CCDC63: variants seen among roughly 807,000 people sequenced by gnomAD.
CCDC63 encodes the protein coiled-coil domain containing 63, also known as coiled-coil domain-containing protein 63.
CCDC63 carries 54 observed loss-of-function variants against 63.6 expected under a neutral mutation model. That is an observed-to-expected ratio of 0.85 (90% CI 0.68 to 1.07). The LOEUF (loss-of-function observed/expected upper bound fraction) is 1.07. Ranked by LOEUF, CCDC63 falls within the 50% of genes least tolerant of loss-of-function variation. CCDC63 has a pLI of 0.00. For missense variants in CCDC63, 637 were observed against 689.6 expected, an observed-to-expected ratio of 0.92 and a Z score of 0.86; for synonymous variants, 253 against 266.1, an observed-to-expected ratio of 0.95 and a Z score of 0.48.
chr12:110,876,885 A>C (rs1593669231), intron 5 of CCDC63, among the ~76,000 whole-genome samples: 1 of 150,978 alleles, frequency 6.6e-6, no homozygotes, highest in East Asian at 1.9e-4. Context: ...AATACAAAAA[A>C]AAAAAAAAAA....
chr12:110,889,975 C>G lies in CCDC63; in HGVS notation c.1075-3101C>G, dbSNP rs545820395. Among the ~76,000 whole-genome samples, 3 of 151,958 alleles carry G rather than the reference C, an allele frequency of 2.0e-5. No homozygotes were observed. The highest frequency in any genetic ancestry group is 4.4e-5 in the Non-Finnish European group (3 of 67,996). On this transcript the variant is annotated intron_variant, in intron 8 of 11. Transcript: ENST00000308208. The surrounding 1 kb of genome is among the most constrained non-coding windows in gnomAD (Gnocchi z 4.1). ...CTCCAAATCAGGAATAATTCCATCA[C>G]ACGGACATAGCATTGTTTCATCTTT...
intron 1 of CCDC63, among the ~76,000 whole-genome samples, chr12:110,848,176 A>T (rs1279942319): frequency 6.6e-6 from 1 of 152,230 alleles, no homozygotes; most frequent in East Asian, 1.9e-4. Flanking sequence ...AGGGGAGCTT[A>T]GCCAATAGGG....
chr12:110,902,337 G>T (rs761270754), intron 10 of CCDC63, among the ~76,000 whole-genome samples: 7 of 152,116 alleles, frequency 4.6e-5, no homozygotes, highest in Non-Finnish European at 7.4e-5. Flanking sequence ...TTATATTTCT[G>T]ATCTCCTCTT....
At chr12:110,852,082 G>A (rs897348136) in intron 1 of CCDC63, among the ~76,000 whole-genome samples, 1 of 152,200 alleles carries the variant, frequency 6.6e-6, no homozygotes, top group African/African-American at 2.4e-5. Context: ...AGGATGTGAT[G>A]TGTGGGATTA....
At chr12:110,867,376 C>T (rs1593655885) in intron 4 of CCDC63, among the ~76,000 whole-genome samples, 1 of 118,768 alleles carries the variant, frequency 8.4e-6, no homozygotes, top group East Asian at 2.7e-4. Context: ...CCCTCCCGGA[C>T]AGGGCGGCTG....
chr12:110,894,337 C>G (rs1343482165), intron 9 of CCDC63, among the ~76,000 whole-genome samples: 3 of 152,180 alleles, frequency 2.0e-5, no homozygotes, highest in Admixed American at 6.5e-5. Context: ...GGAAATGTAA[C>G]TTTTAGTTGG....
At chr12:110,891,280 C>T (rs1441567175) in intron 8 of CCDC63, among the ~76,000 whole-genome samples, 2 of 151,878 alleles carry the variant, frequency 1.3e-5, no homozygotes, top group African/African-American at 4.8e-5. Flanking sequence ...CACTGCACTC[C>T]AGCCTGGGCA....
intron 9 of CCDC63, 49 bp downstream of exon 9, chr12:110,893,199 C>T (rs766601510): frequency 6.7e-7 from 1 of 1,482,492 alleles, no homozygotes; most frequent in Non-Finnish European, 9.4e-7. Context: ...TGTTGTCTGT[C>T]TCTGTGTCTG....
At chr12:110,871,563 CCTT>C (rs1408882886) in intron 4 of CCDC63, among the ~76,000 whole-genome samples, 1 of 149,904 alleles carries the variant, frequency 6.7e-6, no homozygotes, top group African/African-American at 2.5e-5. Flanking sequence ...TTCCTTCCTT[CCTT>C]TTTTTTTTTT....
intron 3 of CCDC63, among the ~76,000 whole-genome samples, chr12:110,857,934 C>T (rs910672333): frequency 2.0e-5 from 3 of 151,832 alleles, no homozygotes; most frequent in Non-Finnish European, 2.9e-5. Context: ...TGGCGAAACC[C>T]GTCTCTACTA....
chr12:110,878,809 C>A (rs763506500), intron 5 of CCDC63, among the ~76,000 whole-genome samples: 1 of 152,144 alleles, frequency 6.6e-6, no homozygotes, highest in Non-Finnish European at 1.5e-5. Context: ...TCTTTAGAAA[C>A]CTTCATCCTT....
intron 8 of CCDC63, among the ~76,000 whole-genome samples, chr12:110,892,345 G>A (rs1180772670): frequency 2.0e-5 from 3 of 152,138 alleles, no homozygotes; most frequent in African/African-American, 4.8e-5. Context: ...GGAGGCTGAG[G>A]CGGAAGGATT....
At chr12:110,876,552 G>A (rs544213811) in intron 5 of CCDC63, among the ~76,000 whole-genome samples, 2 of 152,176 alleles carry the variant, frequency 1.3e-5, no homozygotes, top group East Asian at 3.9e-4. Context: ...TCATGCCCCG[G>A]TTGCTTCACT....
At chr12:110,883,956 C>T (rs928960935) in intron 7 of CCDC63, 74 bp from the exon 8 acceptor site, 32 of 1,160,758 alleles carry the variant, frequency 2.8e-5, no homozygotes, top group Non-Finnish European at 3.7e-5. Flanking sequence ...ATATTGATCA[C>T]GTTACTGTCT....
At chr12:110,877,869 G>A (rs2071151666) in intron 5 of CCDC63, among the ~76,000 whole-genome samples, 1 of 151,644 alleles carries the variant, frequency 6.6e-6, no homozygotes, top group South Asian at 2.1e-4. Context: ...AACATGCCTG[G>A]CTAATTTTTG....
In CCDC63 at chr12:110,892,817, T is replaced by TC. The variant is rs552976043; in HGVS notation, c.1075-258dup. ...CTAGGCATCGCAGCGAGACTTCATCTCAAAAAAAAAAGATAAAGAAAGAAA... is the reference window on the plus strand; with the variant it reads ...CTAGGCATCGCAGCGAGACTTCATCTCCAAAAAAAAAAGATAAAGAAAGAAA... On this transcript the variant is annotated intron_variant, in intron 8 of 11. Coordinates refer to ENST00000308208, the MANE Select transcript of CCDC63 (RefSeq NM_152591.3). Among the ~76,000 whole-genome samples the TC allele has an allele frequency of 1.9e-3, 233 of 119,622 alleles. 1 individual carries two copies. The highest frequency in any genetic ancestry group is 8.1e-3 in the African/African-American group (221 of 27,136). 78.5% of individuals were successfully genotyped at this position (119,622 alleles called of 152,430 possible).
At chr12:110,852,482 G>A (rs2070716391) in intron 1 of CCDC63, among the ~76,000 whole-genome samples, 1 of 151,932 alleles carries the variant, frequency 6.6e-6, no homozygotes, top group Non-Finnish European at 1.5e-5. Flanking sequence ...GGCTGGTATC[G>A]AACTCCTGAC....
At chr12:110,896,079 C>G (rs1332247890) in intron 9 of CCDC63, among the ~76,000 whole-genome samples, 3 of 152,148 alleles carry the variant, frequency 2.0e-5, no homozygotes, top group African/African-American at 7.2e-5. Context: ...TGAACATTGA[C>G]TTTTAAAAAA....
intron 4 of CCDC63, among the ~76,000 whole-genome samples, chr12:110,872,703 G>A (rs1393384896): frequency 6.6e-6 from 1 of 152,106 alleles, no homozygotes; most frequent in Non-Finnish European, 1.5e-5. Context: ...ATGGCTCACT[G>A]CAGCTTCGAC....
Sources: allele counts gnomAD v4.1 joint callset (sites outside exome capture counted in the v4.1 genomes callset), GRCh38; gene constraint gnomAD v4.1.1; non-coding constraint Gnocchi (gnomAD v3.1); transcripts MANE v1.5; gene names NCBI Gene and HGNC (gene_info 2026-07-23, HGNC 2026-07-21).